Variants in ZC3H7B observed in about 807,000 individuals in gnomAD.
ZC3H7B encodes zinc finger CCCH domain-containing protein 7B.
ZC3H7B carries 35 observed loss-of-function variants against 116.0 expected under a neutral mutation model. The observed-to-expected ratio is 0.30, with a 90% CI of 0.23 to 0.40. The LOEUF is 0.40. Ranked by LOEUF, ZC3H7B falls within the 10% of genes least tolerant of loss-of-function variation. ZC3H7B has a pLI of 1.00. For missense variants in ZC3H7B, 1,011 were observed against 1,321.5 expected, an observed-to-expected ratio of 0.77 and a Z score of 3.64; for synonymous variants, 502 against 545.6, an observed-to-expected ratio of 0.92 and a Z score of 1.11.
chr22:41,343,457 A>T lies in ZC3H7B; in HGVS notation c.1340A>T (p.His447Leu). Residue 447 changes from histidine to leucine, a missense_variant, in exon 13 of 23, where the codon CAC becomes CTC. Physicochemically the swap from His to Leu is moderately conservative, Grantham distance 99. This residue lies in a region of ZC3H7B where 179 missense variants were observed against 178.5 expected (regional missense o/e 1.00). Coordinates refer to ENST00000352645, the MANE Select transcript of ZC3H7B (RefSeq NM_017590.6). ...TACACCTACCGTGAGGGCCTTGAGC[A>T]CAAGTGCAAGCGGGACATCCTGCTC... Reference protein sequence around the residue: ...GDYTYREGLEHKCKRDILLGR... With the variant: ...GDYTYREGLELKCKRDILLGR... 6.2e-7 allele frequency: 1 copy of T among 1,613,856 alleles called. No individual in the cohort carries two copies. The highest frequency in any genetic ancestry group is 2.2e-5 in the East Asian group (1 of 44,880).
At chr22:41,310,071 G>C (rs2036098035) in intron 1 of ZC3H7B, among the ~76,000 whole-genome samples, 1 of 152,066 alleles carries the variant, frequency 6.6e-6, no homozygotes, top group Admixed American at 6.6e-5. Context: ...CAGGCGTGGT[G>C]GCGGGCACCT....
At chr22:41,317,274 C>A (rs2036197234) in intron 1 of ZC3H7B, among the ~76,000 whole-genome samples, 1 of 152,096 alleles carries the variant, frequency 6.6e-6, no homozygotes, top group Admixed American at 6.6e-5. Context: ...CCACCGTGCC[C>A]GGCCAGAAAG....
In ZC3H7B at chr22:41,357,354, G is replaced by A. The variant is rs776554913; in HGVS notation, c.2859G>A (p.Leu953=). Residue 953 remains leucine, a synonymous_variant, in exon 23 of 23, where the codon CTG becomes CTA. Transcript: ENST00000352645. This position sits in a 1 kb window ranked among gnomAD's most constrained non-coding sequence, Gnocchi z 5.4. ...DDDFGKYNFL[L]QEDGDLAGAT... is the part of the protein sequence containing the mutation. ...ACTTTGGCAAATACAACTTCCTGCT[G>A]CAAGAGGACGGGGACCTTGCCGGTG... is the stretch of plus-strand genomic sequence containing the variant. The A allele has an allele frequency of 6.8e-6, 11 of 1,613,426 alleles. No individual in the cohort carries two copies. Among genetic ancestry groups the A allele is most frequent in the Non-Finnish European group, 9.3e-6 (11 of 1,179,988 alleles).
Position 41,356,080 on chromosome 22 carries a change from G to A in ZC3H7B, c.2383+18G>A, listed in dbSNP as rs772001356. On this transcript the variant is annotated intron_variant, in intron 20 of 22. Transcript: ENST00000352645. ...GAACAAGAGTGAGTGGGCAGACGGGGCGGGCGGGCCCTCCCCCGGTGTCTC... is the reference window on the plus strand; with the variant it reads ...GAACAAGAGTGAGTGGGCAGACGGGACGGGCGGGCCCTCCCCCGGTGTCTC... 1.3e-6 allele frequency: 2 copies of A among 1,554,140 alleles called. No individual in the cohort carries two copies. Among genetic ancestry groups the A allele is most frequent in the Non-Finnish European group, 1.7e-6 (2 of 1,155,636 alleles).
At chr22:41,356,253 C>T (rs563799151) in intron 20 of ZC3H7B, 90 bp from the exon 21 acceptor site, 72 of 1,573,890 alleles carry the variant, frequency 4.6e-5, no homozygotes, top group African/African-American at 3.4e-4. Context: ...GGACTTGGGA[C>T]GCCCACGGCT....
At chr22:41,317,235 C>T (rs187000683) in intron 1 of ZC3H7B, among the ~76,000 whole-genome samples, 8 of 152,234 alleles carry the variant, frequency 5.3e-5, no homozygotes, top group Non-Finnish European at 8.8e-5. Context: ...CCACCTCGGC[C>T]TCCCAAATGC....
chr22:41,356,398 G>C lies in ZC3H7B; in HGVS notation c.2439G>C (p.Lys813Asn). Residue 813 changes from lysine to asparagine, a missense_variant, in exon 21 of 23, where the codon AAG becomes AAC. Lys to Asn is a moderately conservative substitution (Grantham distance 94). Coordinates refer to ENST00000352645, the MANE Select transcript of ZC3H7B (RefSeq NM_017590.6). ...GGCTGAAAAAACACAACCCAGGAAA[G>C]CCTGGAGAAGGGACCCCCATCAGTT... ...DMWLKKHNPG[K>N]PGEGTPISSR... is the part of the protein sequence containing the mutation. The C allele has an allele frequency of 6.2e-7, 1 of 1,614,158 alleles. No individual in the cohort carries two copies. The highest frequency in any genetic ancestry group is 1.1e-5 in the South Asian group (1 of 91,084).
chr22:41,325,092 G>A (rs2036300904), intron 2 of ZC3H7B, among the ~76,000 whole-genome samples: 1 of 152,162 alleles, frequency 6.6e-6, no homozygotes, highest in Non-Finnish European at 1.5e-5. Context: ...ACTGAGAAAG[G>A]GCTTGGAATG....
intron 7 of ZC3H7B, 28 bp downstream of exon 7, chr22:41,332,255 T>C (rs1024570691): frequency 1.9e-6 from 3 of 1,613,374 alleles, no homozygotes; most frequent in African/African-American, 2.7e-5. Flanking sequence ...CCAACCTGTC[T>C]CAGTTTATCC....
At chr22:41,355,689 T>C in intron 18 of ZC3H7B, 68 bp from the exon 19 acceptor site, 1 of 1,611,230 alleles carries the variant, frequency 6.2e-7, no homozygotes, top group Admixed American at 1.7e-5. Flanking sequence ...AGGCCAGGGC[T>C]CTCCACAGAG....
At chr22:41,310,721 C>G (rs533034700) in intron 1 of ZC3H7B, among the ~76,000 whole-genome samples, 14 of 152,192 alleles carry the variant, frequency 9.2e-5, no homozygotes, top group African/African-American at 3.4e-4. Flanking sequence ...TTTATAATTT[C>G]CAAAGCTTTT....
chr22:41,351,033 G>A lies in ZC3H7B; in HGVS notation c.1949-528G>A, dbSNP rs558499804. Among the ~76,000 whole-genome samples the A allele has an allele frequency of 6.2e-4, 94 of 152,338 alleles. 1 individual carries two copies. In the South Asian group the frequency reaches 0.012, roughly 19 times the overall value. ...TCAGTGGCAACAGTCTGAGGCTGGC[G>A]GGGAGACAGACTGGAGAGTCCATGC... On this transcript the variant is annotated intron_variant, in intron 16 of 22. Coordinates refer to ENST00000352645, the MANE Select transcript of ZC3H7B (RefSeq NM_017590.6). The surrounding 1 kb of genome is among the most constrained non-coding windows in gnomAD (Gnocchi z 5.1).
chr22:41,346,342 AGGTCCTGGAG>A lies in ZC3H7B; in HGVS notation c.1665+139_1665+148del. The A allele has an allele frequency of 1.1e-6, 1 of 914,860 alleles. No individual in the cohort carries two copies. The highest frequency in any genetic ancestry group is 1.6e-6 in the Non-Finnish European group (1 of 606,718). 56.7% of individuals were successfully genotyped at this position (914,860 alleles called of 1,614,324 possible). A position where few individuals can be genotyped will look rare whatever the true frequency, so the allele number is the denominator to read the frequency against. ...GTGGAGGCCTGGTCTTAGAACCAGT[AGGTCCTGGAG>A]GGTCAGTAAGTCTGGGCCCTAGGAT... On this transcript the variant is annotated intron_variant, in intron 14 of 22. Transcript: ENST00000352645. This position sits in a 1 kb window ranked among gnomAD's most constrained non-coding sequence, Gnocchi z 5.3.
At chr22:41,323,131 T>C (rs895787128) in intron 2 of ZC3H7B, among the ~76,000 whole-genome samples, 5 of 152,186 alleles carry the variant, frequency 3.3e-5, no homozygotes, top group Non-Finnish European at 5.9e-5. Context: ...GGGTTTTGGG[T>C]GCACCTAGAG....
At chr22:41,331,127 G>C (rs1453689886) in intron 6 of ZC3H7B, among the ~76,000 whole-genome samples, 2 of 145,240 alleles carry the variant, frequency 1.4e-5, no homozygotes, top group Non-Finnish European at 3.0e-5. Flanking sequence ...AAAGTGCTGG[G>C]ATTACAAGCG....
chr22:41,330,709 A>G (rs1171543241), intron 6 of ZC3H7B, among the ~76,000 whole-genome samples: 1 of 152,038 alleles, frequency 6.6e-6, no homozygotes, highest in East Asian at 2.0e-4. Context: ...TGGGAGGCCA[A>G]GGCGGGCAGA....
At chr22:41,334,979 CAG>C (rs1487318697) in intron 7 of ZC3H7B, 1 of 152,206 alleles carries the variant, frequency 6.6e-6, no homozygotes, top group East Asian at 1.9e-4. Flanking sequence ...GTTCCAGGAA[CAG>C]AGAGCCCAAG....
intron 13 of ZC3H7B, 150 bp downstream of exon 13, chr22:41,343,726 C>A: frequency 8.8e-7 from 1 of 1,141,216 alleles, no homozygotes; most frequent in Non-Finnish European, 1.2e-6. Context: ...GCTCCTGGGG[C>A]CCGTGCAGGA....
intron 11 of ZC3H7B, 22 bp from the exon 12 acceptor site, chr22:41,342,507 G>A: frequency 6.2e-7 from 1 of 1,610,850 alleles, no homozygotes. Context: ...TGCCCACAAT[G>A]GCCTCCTTCC....
Sources: allele counts gnomAD v4.1 joint callset (sites outside exome capture counted in the v4.1 genomes callset), GRCh38; gene constraint gnomAD v4.1.1; regional missense constraint gnomAD v4.1.1; non-coding constraint Gnocchi (gnomAD v3.1); transcripts MANE v1.5; gene names NCBI Gene and HGNC (gene_info 2026-07-23, HGNC 2026-07-21).